The following CEP85 variants were observed in gnomAD, a reference collection of about 807,000 sequenced individuals.
The protein encoded by CEP85 is centrosomal protein 85.
In CEP85, 58 loss-of-function variants were observed where a neutral mutation model predicts 93.7. The ratio of observed to expected loss-of-function variants is 0.62; its 90% CI spans 0.50 to 0.77. The LOEUF is 0.77. CEP85 is among the 30% of genes least tolerant of loss of function. The pLI, the probability that CEP85 is intolerant of heterozygous loss-of-function variation, is 0.00. For missense variants in CEP85, 868 were observed against 922.0 expected (o/e 0.94, Z 0.76); for synonymous variants, 314 against 338.6 (o/e 0.93, Z 0.80).
chr1:26,248,757 C>T (rs1282897100), intron 3 of CEP85, among the ~76,000 whole-genome samples: 2 of 91,960 alleles, frequency 2.2e-5, no homozygotes, highest in African/African-American at 8.9e-5. Context: ...GACCGAGTCT[C>T]GCTCTGTTGC....
In CEP85 at chr1:26,265,806, A is replaced by G. The variant is rs541432054; in HGVS notation, c.1342-2677A>G. Among the ~76,000 whole-genome samples the G allele has an allele frequency of 8.5e-5, 13 of 152,326 alleles. No homozygotes were observed. In the East Asian group the frequency reaches 2.5e-3, roughly 29 times the overall value. Reference sequence around the variant, plus strand: ...CATTAAAATCTTTCATAGGCTGGGCATGGTGGCTCACTCCTCTTAATCCTG... The same window carrying G: ...CATTAAAATCTTTCATAGGCTGGGCGTGGTGGCTCACTCCTCTTAATCCTG... On this transcript the variant is annotated intron_variant, in intron 7 of 13. Transcript: ENST00000451429.
chr1:26,269,997 C>T lies in CEP85; in HGVS notation c.1649+383C>T, dbSNP rs192779600. 3.2e-3 allele frequency among the ~76,000 whole-genome samples: 484 copies of T among 152,050 alleles called. 2 individuals carry two copies. The highest frequency in any genetic ancestry group is 7.5e-3 in the South Asian group (36 of 4,814). On this transcript the variant is annotated intron_variant, in intron 9 of 13. Coordinates refer to ENST00000451429, the MANE Select transcript of CEP85 (RefSeq NM_001319944.2). ...TAGAGACGGGGTTTCACCGTGGTCT[C>T]GATCTCCTGACCTCGTGATCCACCC...
intron 7 of CEP85, among the ~76,000 whole-genome samples, chr1:26,262,111 TC>T (rs2089819225): frequency 6.6e-6 from 1 of 151,900 alleles, no homozygotes; most frequent in African/African-American, 2.4e-5. Context: ...ATCAAGAACA[TC>T]CTGGCCAACA....
chr1:26,267,058 A>G (rs2089904226), intron 7 of CEP85, among the ~76,000 whole-genome samples: 1 of 152,218 alleles, frequency 6.6e-6, no homozygotes, highest in Admixed American at 6.5e-5. Flanking sequence ...AGTTAGTGTC[A>G]GACTCCACAG....
chr1:26,264,416 C>T (rs2089860122), intron 7 of CEP85, among the ~76,000 whole-genome samples: 1 of 152,102 alleles, frequency 6.6e-6, no homozygotes, highest in South Asian at 2.1e-4. Flanking sequence ...GCCTGTAATC[C>T]CAGCTACTCG....
At chr1:26,269,236 A>T in intron 8 of CEP85, 1 of 545,216 alleles carries the variant, frequency 1.8e-6, no homozygotes, top group Non-Finnish European at 3.3e-6. Context: ...AGCAGTAGGG[A>T]CTACCTGCGT....
At chr1:26,276,265 C>T (rs1042415423) in intron 12 of CEP85, among the ~76,000 whole-genome samples, 2 of 152,182 alleles carry the variant, frequency 1.3e-5, no homozygotes, top group African/African-American at 4.8e-5. Context: ...GGTTCTTGAA[C>T]AGAAACTTGG....
intron 3 of CEP85, among the ~76,000 whole-genome samples, chr1:26,247,406 T>C (rs1186694608): frequency 6.6e-6 from 1 of 151,252 alleles, no homozygotes. Flanking sequence ...CTTAAATAGG[T>C]ATGAGCTGAG....
At chr1:26,263,838 T>A (rs2089851303) in intron 7 of CEP85, among the ~76,000 whole-genome samples, 4 of 152,186 alleles carry the variant, frequency 2.6e-5, no homozygotes, top group Non-Finnish European at 2.9e-5. Flanking sequence ...TGTATTTTTT[T>A]CAACCAAACA....
At chr1:26,237,377 C>T (rs1419583172) in intron 1 of CEP85, among the ~76,000 whole-genome samples, 1 of 152,112 alleles carries the variant, frequency 6.6e-6, no homozygotes, top group Non-Finnish European at 1.5e-5. Flanking sequence ...TCCTACCCTC[C>T]CTCCTCTCAG....
At chr1:26,251,368 C>T (rs945349088) in intron 3 of CEP85, among the ~76,000 whole-genome samples, 4 of 151,592 alleles carry the variant, frequency 2.6e-5, no homozygotes, top group Non-Finnish European at 4.4e-5. Flanking sequence ...TCTCCTGCCT[C>T]AGCCTCCTGA....
In CEP85 at chr1:26,256,955, G is replaced by GTGTGTGTGTGTGTGT. The variant is rs747449589; in HGVS notation, c.904-641_904-640insGTGTGTGTGTGTGTT. 5.3e-5 allele frequency among the ~76,000 whole-genome samples: 8 copies of GTGTGTGTGTGTGTGT among 150,118 alleles called. No homozygotes were observed. The South Asian group carries it at 6.3e-4, about 12-fold the overall frequency. The stretch of plus-strand genomic sequence containing the variant: ...TGTGTGTGTGTGTGTGTGTGTGTGT[G>GTGTGTGTGTGTGTGT]TTTTGGAGACAGAGTCTTGCTCTGT... On this transcript the variant is annotated intron_variant, in intron 4 of 13. Coordinates refer to ENST00000451429, the MANE Select transcript of CEP85 (RefSeq NM_001319944.2).
In CEP85 at chr1:26,258,223, C is replaced by T; in HGVS notation, c.1118C>T (p.Pro373Leu). The T allele has an allele frequency of 6.2e-7, 1 of 1,614,054 alleles. No homozygotes were observed. ...GTCCACAGTGCCCTCTTGGGCCGCC[C>T]TGCCCCCTTTGGTGATGTCTGCTTG... ...LQVHSALLGR[P>L]APFGDVCLLR... The change falls in exon 6 of 14, where the codon CCT becomes CTT. Residue 373 changes from proline (P) to leucine (L), a missense_variant. By Grantham distance (98) the Pro-to-Leu change is moderately conservative. Transcript: ENST00000451429.
At chr1:26,273,231 T>G (rs923087863) in intron 11 of CEP85, among the ~76,000 whole-genome samples, 1 of 152,174 alleles carries the variant, frequency 6.6e-6, no homozygotes, top group Non-Finnish European at 1.5e-5. Flanking sequence ...GGGAGTGTCT[T>G]TAACTGGGTT....
Position 26,274,962 on chromosome 1 carries a change from A to G in CEP85, c.1795-2A>G. The stretch of plus-strand genomic sequence containing the variant: ...CCCTCAACATCTTGCTGTGTGATTC[A>G]GAGCCTAGAGCAGGAAGTGGCTCAA... On this transcript the variant is annotated splice_acceptor_variant, in intron 11 of 13. Coordinates refer to ENST00000451429, the MANE Select transcript of CEP85 (RefSeq NM_001319944.2). LOFTEE classifies it high-confidence loss of function. The G allele has an allele frequency of 6.4e-7, 1 of 1,562,704 alleles. No homozygotes were observed. Among genetic ancestry groups the G allele is most frequent in the Admixed American group, 1.9e-5 (1 of 52,534 alleles).
chr1:26,273,137 C>T (rs569521474), intron 11 of CEP85, among the ~76,000 whole-genome samples: 8 of 152,156 alleles, frequency 5.3e-5, no homozygotes, highest in African/African-American at 1.9e-4. Flanking sequence ...TAACATCAAG[C>T]GGAATCAGTG....
At chr1:26,246,468 T>G (rs555431963) in intron 3 of CEP85, among the ~76,000 whole-genome samples, 1 of 152,274 alleles carries the variant, frequency 6.6e-6, no homozygotes, top group South Asian at 2.1e-4. Context: ...ATGTAGGGGC[T>G]GATGTCTATA....
chr1:26,277,017 T>G, intron 13 of CEP85, 119 bp from the exon 14 acceptor site: 1 of 1,137,694 alleles, frequency 8.8e-7, no homozygotes, highest in Non-Finnish European at 1.3e-6. Context: ...CCCCAGATGC[T>G]TTTTTTAAAG....
chr1:26,235,564 A>ATTTTTTTTTTTTTTTTTTTT (rs1185542130), intron 1 of CEP85, among the ~76,000 whole-genome samples: 3 of 69,552 alleles, frequency 4.3e-5, no homozygotes, highest in African/African-American at 1.7e-4. Flanking sequence ...TTAGATTGTA[A>ATTTTTTTTTTTTTTTTTTTT]TTCTTTTTTT....
Sources: gnomAD v4.1 joint callset for allele counts (sites outside exome capture counted in the v4.1 genomes callset) on GRCh38, gnomAD v4.1.1 for gene constraint, MANE v1.5 for transcripts, NCBI Gene and HGNC (gene_info 2026-07-23, HGNC 2026-07-21) for gene names.